NBAS: variants seen among roughly 807,000 people sequenced by gnomAD.
The protein encoded by NBAS is NAG/BC035112 fusion.
Under a neutral mutation model 302.5 loss-of-function variants are expected in NBAS, and 219 were observed. The ratio of observed to expected loss-of-function variants is 0.72; its 90% CI spans 0.65 to 0.81. NBAS has a LOEUF of 0.81. Among genes scored for constraint, NBAS ranks in the 30% least tolerant of loss-of-function variants. NBAS has a pLI of 0.00. For missense variants in NBAS, 2,932 were observed against 2,841.6 expected, an observed-to-expected ratio of 1.03 and a Z score of -0.72; for synonymous variants, 1,118 against 1,021.6, an observed-to-expected ratio of 1.09 and a Z score of -1.80.
At chr2:15,173,318 A>G (rs1664382879) in intron 51 of NBAS, among the ~76,000 whole-genome samples, 1 of 152,214 alleles carries the variant, frequency 6.6e-6, no homozygotes, top group South Asian at 2.1e-4. Context: ...CTTTGATTTT[A>G]TGGATCTATA....
chr2:14,863,718 T>C, the NBAS span, among the ~76,000 whole-genome samples: 1 of 152,250 alleles, frequency 6.6e-6, no homozygotes, highest in Admixed American at 6.5e-5. Flanking sequence ...CTTGAAAAGA[T>C]AGTCAGAAAC....
At chr2:15,281,872 G>T (rs1307972809) in intron 42 of NBAS, among the ~76,000 whole-genome samples, 2 of 152,114 alleles carry the variant, frequency 1.3e-5, no homozygotes, top group African/African-American at 2.4e-5. Flanking sequence ...GAAAATGAAG[G>T]TTACAAGTTA....
chr2:14,790,053 C>G, the NBAS span, among the ~76,000 whole-genome samples: 1 of 152,136 alleles, frequency 6.6e-6, no homozygotes, highest in Non-Finnish European at 1.5e-5. Flanking sequence ...ACTGAATCCC[C>G]CACAACACCA....
At chr2:15,379,515 A>G in intron 30 of NBAS, 87 bp downstream of exon 30, 2 of 1,319,250 alleles carry the variant, frequency 1.5e-6, no homozygotes, top group South Asian at 1.2e-5. Context: ...CTGTGATAAT[A>G]TATTTGGTAA....
At chr2:15,330,418 G>T (rs1218331159) in intron 36 of NBAS, among the ~76,000 whole-genome samples, 180 bp downstream of exon 36, 1 of 152,102 alleles carries the variant, frequency 6.6e-6, no homozygotes, top group Non-Finnish European at 1.5e-5. Flanking sequence ...TACTCCATGG[G>T]AATATATTAC....
In NBAS at chr2:15,417,687, C is replaced by T; in HGVS notation, c.2603G>A (p.Arg868Gln). 3.1e-6 allele frequency: 5 copies of T among 1,613,854 alleles called. No individual in the cohort carries two copies. Among genetic ancestry groups the T allele is most frequent in the South Asian group, 1.1e-5 (1 of 91,050 alleles). ...AGGAATATTCCGCTCCATCCCAAGTCGAATAAGTGACAATGCACAGTCCAC... is the reference window on the plus strand; with the variant it reads ...AGGAATATTCCGCTCCATCCCAAGTTGAATAAGTGACAATGCACAGTCCAC... ...RQVDCALSLI[R>Q]LGMERNIPGL... Residue 868 changes from arginine (R) to glutamine (Q), a missense_variant, in exon 24 of 52, where the codon CGA (arginine) becomes CAA (glutamine). By Grantham distance (43) the Arg-to-Gln change is conservative. Transcript: ENST00000281513.
chr2:15,536,823 T>C (rs1224206373), intron 7 of NBAS, among the ~76,000 whole-genome samples: 1 of 152,142 alleles, frequency 6.6e-6, no homozygotes, highest in African/African-American at 2.4e-5. Context: ...ATTCAAATTG[T>C]ATGTCAATTG....
chr2:15,303,722 CA>C (rs1276408679), intron 40 of NBAS, among the ~76,000 whole-genome samples: 1 of 152,184 alleles, frequency 6.6e-6, no homozygotes, highest in Non-Finnish European at 1.5e-5. Context: ...AATTTACTAT[CA>C]GGGAAAACAA....
At chr2:15,540,772 G>C (rs1663775887) in intron 6 of NBAS, among the ~76,000 whole-genome samples, 2 of 151,670 alleles carry the variant, frequency 1.3e-5, no homozygotes. Flanking sequence ...ACCCAGACTG[G>C]AGTACAGTGG....
At chr2:15,350,625 T>G (rs1385312237) in intron 35 of NBAS, among the ~76,000 whole-genome samples, 1 of 152,200 alleles carries the variant, frequency 6.6e-6, no homozygotes, top group Non-Finnish European at 1.5e-5. Context: ...ACATATAGAC[T>G]TAATTGGTTC....
At chr2:14,833,524 GATCA>G in the NBAS span, among the ~76,000 whole-genome samples, 3 of 151,888 alleles carry the variant, frequency 2.0e-5, no homozygotes, top group Non-Finnish European at 4.4e-5. Context: ...GTACATACGT[GATCA>G]ATAAGTAAAA....
At chr2:15,169,848 C>T (rs775430320) in intron 51 of NBAS, among the ~76,000 whole-genome samples, 19 of 152,232 alleles carry the variant, frequency 1.2e-4, no homozygotes, top group Non-Finnish European at 2.4e-4. Context: ...CCTCCAGCCA[C>T]GTGCATGCAC....
intron 31 of NBAS, 48 bp from the exon 32 acceptor site, chr2:15,366,741 AG>A (rs776204798): frequency 3.4e-5 from 53 of 1,565,188 alleles, no homozygotes; most frequent in Non-Finnish European, 4.6e-5. Context: ...ACATCACAAA[AG>A]GGTGTTAATG....
the NBAS span, among the ~76,000 whole-genome samples, chr2:14,956,613 C>T: frequency 2.6e-5 from 4 of 152,124 alleles, no homozygotes; most frequent in African/African-American, 9.7e-5. Flanking sequence ...ACAATCATGG[C>T]AGAAAAGGAA....
intron 28 of NBAS, among the ~76,000 whole-genome samples, chr2:15,390,049 G>A (rs927650496): frequency 6.6e-6 from 1 of 152,128 alleles, no homozygotes; most frequent in Non-Finnish European, 1.5e-5. Flanking sequence ...CAAGATCTAC[G>A]AAGGGTCCCC....
intron 51 of NBAS, among the ~76,000 whole-genome samples, chr2:15,175,932 T>C (rs367658724): frequency 5.9e-5 from 9 of 152,320 alleles, no homozygotes; most frequent in African/African-American, 1.7e-4. Flanking sequence ...TAAACTTGGA[T>C]CTGCACACCA....
chr2:15,279,256 T>C (rs1013189639), intron 42 of NBAS, among the ~76,000 whole-genome samples: 11 of 152,156 alleles, frequency 7.2e-5, no homozygotes, highest in African/African-American at 2.7e-4. Context: ...TGGGTAATTA[T>C]CAACTTATAG....
intron 30 of NBAS, among the ~76,000 whole-genome samples, chr2:15,375,916 G>GA (rs137975058): frequency 0.019 from 2,878 of 147,836 alleles, 79 homozygotes; most frequent in African/African-American, 0.065. Flanking sequence ...GAATATGAGT[G>GA]AAAAAAAAAC....
At chr2:15,513,528 A>T (rs1381931798) in intron 9 of NBAS, among the ~76,000 whole-genome samples, 1 of 152,184 alleles carries the variant, frequency 6.6e-6, no homozygotes, top group Non-Finnish European at 1.5e-5. Context: ...ATGAAAAAAG[A>T]AAAATACTTT....
Sources: allele counts gnomAD v4.1 joint callset (sites outside exome capture counted in the v4.1 genomes callset), GRCh38; gene constraint gnomAD v4.1.1; transcripts MANE v1.5; gene names NCBI Gene and HGNC (gene_info 2026-07-23, HGNC 2026-07-21).